The following APOBEC3F variants were observed in gnomAD, a reference collection of about 807,000 sequenced individuals.
APOBEC3F encodes the protein apolipoprotein B mRNA editing enzyme catalytic subunit 3F, also known as DNA dC->dU-editing enzyme APOBEC-3F.
APOBEC3F carries 34 observed loss-of-function variants against 45.8 expected under a neutral mutation model. The ratio of observed to expected loss-of-function variants is 0.74; its 90% CI spans 0.57 to 0.99. The LOEUF (loss-of-function observed/expected upper bound fraction) is 0.99. APOBEC3F is among the 50% of genes least tolerant of loss of function. The probability of loss-of-function intolerance (pLI) is 0.00; values close to 1 mark genes in which losing one functional copy is unlikely to be tolerated. For synonymous variants in APOBEC3F, 192 were observed against 174.4 expected (o/e 1.10, Z -0.80); for missense variants, 459 against 474.1 (o/e 0.97, Z 0.30).
At position 39,049,430 on chromosome 22, in the gene APOBEC3F, C is replaced by G; in HGVS notation, c.572C>G (p.Pro191Arg). ...HRTLKEILRNPMEAMYPHIFY... is the reference protein window; with the variant it reads ...HRTLKEILRNRMEAMYPHIFY... ...TTTCTCTATTGTGCCTTCAGAAACC[C>G]GATGGAGGCAATGTATCCACACATA... The change falls in exon 5 of 7, where the codon CCG (proline) becomes CGG (arginine). Residue 191 changes from proline (P) to arginine (R), a missense_variant. By Grantham distance (103) the Pro-to-Arg change is moderately radical. Transcript: ENST00000308521. 3 of 1,613,930 alleles carry G rather than the reference C, an allele frequency of 1.9e-6. No homozygotes were observed. Among genetic ancestry groups the G allele is most frequent in the Non-Finnish European group, 2.5e-6 (3 of 1,179,936 alleles).
chr22:39,043,298 G>GGTTTTTTTTTTTTTTTTTTTTTT (rs1569068674), intron 2 of APOBEC3F, among the ~76,000 whole-genome samples: 1 of 120,072 alleles, frequency 8.3e-6, no homozygotes. Flanking sequence ...AAGGCCTTGT[G>GGTTTTTTTTTTTTTTTTTTTTTT]TTTTTTTTTT....
At chr22:39,048,776 C>G (rs1927340142) in intron 4 of APOBEC3F, among the ~76,000 whole-genome samples, 2 of 152,086 alleles carry the variant, frequency 1.3e-5, no homozygotes, top group South Asian at 4.1e-4. Context: ...CACTGCACTC[C>G]AGCCTGGCGA....
intron 4 of APOBEC3F, among the ~76,000 whole-genome samples, chr22:39,047,730 A>G (rs1275734106): frequency 7.2e-6 from 1 of 138,066 alleles, no homozygotes; most frequent in Non-Finnish European, 1.6e-5. Context: ...GCCCCAGCCC[A>G]GGCCCCCTGC....
intron 4 of APOBEC3F, among the ~76,000 whole-genome samples, chr22:39,046,684 C>G (rs1280829695): frequency 2.0e-5 from 3 of 151,130 alleles, no homozygotes; most frequent in Non-Finnish European, 4.4e-5. Context: ...ATGGTGCGAT[C>G]TCGGCTCACT....
At chr22:39,044,108 C>T in intron 2 of APOBEC3F, 3 of 1,555,616 alleles carry the variant, frequency 1.9e-6, no homozygotes, top group Non-Finnish European at 2.6e-6. Flanking sequence ...ATCAGAGCCC[C>T]ATTTCAAGTG....
rs766722508 is a variant in APOBEC3F, at chr22:39,045,425, C to T, written c.452-3C>T. 2 of 1,614,068 alleles carry T rather than the reference C, an allele frequency of 1.2e-6. No homozygotes were observed. Among genetic ancestry groups the T allele is most frequent in the Non-Finnish European group, 1.7e-6 (2 of 1,179,948 alleles). ...CTGACTGCTTCCTGCCTCTTCGTCT[C>T]AGAATTTGCATACTGCTGGGAAAAC... On this transcript the variant is annotated splice_region_variant and splice_polypyrimidine_tract_variant and intron_variant, in intron 3 of 6. Coordinates refer to ENST00000308521, the MANE Select transcript of APOBEC3F (RefSeq NM_145298.6).
chr22:39,045,235 G>T lies in APOBEC3F; in HGVS notation c.451+15G>T, dbSNP rs373294236. ...GGACGATGAAGGTGAGAGGTGGAGG[G>T]GTCAGGGGAGCGTGAGCGGGAGGAA... On this transcript the variant is annotated intron_variant, in intron 3 of 6. Transcript: ENST00000308521. 1 of 1,612,404 alleles carries T rather than the reference G, an allele frequency of 6.2e-7. No homozygotes were observed. The highest frequency in any genetic ancestry group is 1.7e-5 in the Admixed American group (1 of 59,958).
chr22:39,041,731 C>T (rs117464811), intron 1 of APOBEC3F, among the ~76,000 whole-genome samples: 1,695 of 151,978 alleles, frequency 0.011, 17 homozygotes, highest in Admixed American at 0.017. Flanking sequence ...GGTGTGGTGG[C>T]GGGCGCCTAT....
chr22:39,049,142 A>T (rs1441558208), intron 4 of APOBEC3F, among the ~76,000 whole-genome samples: 1 of 152,178 alleles, frequency 6.6e-6, no homozygotes, highest in East Asian at 1.9e-4. Flanking sequence ...GAAGAGTTTT[A>T]TTGTCTGTTG....
chr22:39,052,408 A>C, intron 6 of APOBEC3F, 55 bp downstream of exon 6: 1 of 1,602,156 alleles, frequency 6.2e-7, no homozygotes. Context: ...CATGAGGGGC[A>C]GGTGTGTCTG....
intron 4 of APOBEC3F, among the ~76,000 whole-genome samples, chr22:39,045,974 C>T (rs1273091261): frequency 4.6e-5 from 7 of 151,772 alleles, no homozygotes; most frequent in East Asian, 3.8e-4. Flanking sequence ...CTTCAGGCTT[C>T]GACTGCCATA....
intron 5 of APOBEC3F, 147 bp from the exon 6 acceptor site, chr22:39,051,927 C>A: frequency 1.6e-6 from 2 of 1,264,926 alleles, no homozygotes; most frequent in African/African-American, 1.5e-5. Context: ...TGCACCCCAG[C>A]CTGGGCAACA....
chr22:39,043,232 C>G (rs547707257), intron 2 of APOBEC3F, 142 bp downstream of exon 2: 1 of 1,234,928 alleles, frequency 8.1e-7, no homozygotes, highest in Non-Finnish European at 1.1e-6. Context: ...GTGGCCCTGA[C>G]CTTCCTGCTG....
At chr22:39,041,016 C>G in intron 1 of APOBEC3F, 39 bp downstream of exon 1, 1 of 1,573,344 alleles carries the variant, frequency 6.4e-7, no homozygotes, top group Non-Finnish European at 8.6e-7. Context: ...CCCTCTGCTG[C>G]CCCTTCCTGC....
intron 4 of APOBEC3F, among the ~76,000 whole-genome samples, chr22:39,047,535 G>A (rs1188617956): frequency 6.6e-6 from 1 of 152,166 alleles, no homozygotes; most frequent in Non-Finnish European, 1.5e-5. Context: ...TCTGCCCACG[G>A]GGCCTCTGCT....
chr22:39,044,840 T>C (rs1025865132), intron 2 of APOBEC3F, 101 bp from the exon 3 acceptor site: 2 of 1,093,468 alleles, frequency 1.8e-6, no homozygotes, highest in Non-Finnish European at 2.6e-6. Context: ...AATGGCAAGA[T>C]CCCCTGGGCT....
chr22:39,042,874 A>G (rs1193680442), intron 1 of APOBEC3F, 63 bp from the exon 2 acceptor site: 17 of 1,596,828 alleles, frequency 1.1e-5, no homozygotes, highest in East Asian at 2.2e-5. Flanking sequence ...TTTAGTGGAC[A>G]TCAGCCCTGA....
intron 5 of APOBEC3F, among the ~76,000 whole-genome samples, chr22:39,051,423 G>T (rs1459367228): frequency 6.6e-6 from 1 of 151,772 alleles, no homozygotes; most frequent in Non-Finnish European, 1.5e-5. Flanking sequence ...TGTAGTCCCA[G>T]CTACTTGGGA....
Position 39,052,970 on chromosome 22 carries a change from T to G in APOBEC3F, c.*275T>G. ...TGCCCCTAACCTGCCTTTTCCCATC[T>G]CCCCAGCATAACCTAATATTTTTTT... On this transcript the variant is annotated 3_prime_UTR_variant, in exon 7 of 7. Coordinates refer to ENST00000308521, the MANE Select transcript of APOBEC3F (RefSeq NM_145298.6). 6 of 434,090 alleles carry G rather than the reference T, an allele frequency of 1.4e-5. No individual in the cohort carries two copies. Among genetic ancestry groups the G allele is most frequent in the Non-Finnish European group, 2.1e-5 (6 of 282,662 alleles). The allele number at this position is 434,090 out of a possible 1,614,324, so 26.9% of individuals were successfully genotyped here.
Sources: allele counts gnomAD v4.1 joint callset (sites outside exome capture counted in the v4.1 genomes callset), GRCh38; gene constraint gnomAD v4.1.1; transcripts MANE v1.5; gene names NCBI Gene and HGNC (gene_info 2026-07-23, HGNC 2026-07-21).